The following CDYL variants were observed in gnomAD, a reference collection of about 807,000 sequenced individuals.
The protein encoded by CDYL is chromodomain Y like, also known as chromodomain Y-like protein.
Under a neutral mutation model 47.3 loss-of-function variants are expected in CDYL, and 8 were observed. That is an observed-to-expected ratio of 0.17 (90% CI 0.10 to 0.31). The LOEUF is 0.31. Among genes scored for constraint, CDYL ranks in the 10% least tolerant of loss-of-function variants. CDYL has a pLI of 1.00. For synonymous variants in CDYL, 266 were observed against 265.0 expected, an observed-to-expected ratio of 1.00 and a Z score of -0.04; for missense variants, 471 against 701.4, an observed-to-expected ratio of 0.67 and a Z score of 3.71.
At chr6:4,843,289 G>A (rs939923038) in intron 1 of CDYL, among the ~76,000 whole-genome samples, 4 of 152,058 alleles carry the variant, frequency 2.6e-5, no homozygotes, top group African/African-American at 7.2e-5. Flanking sequence ...TGATGACAGC[G>A]TGCCTAAGTG....
At chr6:4,893,744 C>T (rs1383992379) in intron 2 of CDYL, among the ~76,000 whole-genome samples, 1 of 152,060 alleles carries the variant, frequency 6.6e-6, no homozygotes, top group African/African-American at 2.4e-5. Flanking sequence ...TGTGTCTCCT[C>T]CAACCCAAGC....
At chr6:4,930,480 G>A (rs1263911336) in intron 2 of CDYL, among the ~76,000 whole-genome samples, 1 of 152,208 alleles carries the variant, frequency 6.6e-6, no homozygotes, top group African/African-American at 2.4e-5. Flanking sequence ...CGGTGGAAAG[G>A]CGGGTGGACT....
At chr6:4,901,503 G>C (rs1757053069) in intron 2 of CDYL, among the ~76,000 whole-genome samples, 1 of 152,128 alleles carries the variant, frequency 6.6e-6, no homozygotes. Flanking sequence ...TCTGTCTTAA[G>C]TTCCTCCAAC....
chr6:4,868,969 T>C (rs1761398777), intron 1 of CDYL, among the ~76,000 whole-genome samples: 1 of 152,226 alleles, frequency 6.6e-6, no homozygotes, highest in South Asian at 2.1e-4. Flanking sequence ...TTCTTATGGT[T>C]ATTGTTTTCA....
chr6:4,919,977 G>A (rs1592034), intron 2 of CDYL, among the ~76,000 whole-genome samples: 148,485 of 152,266 alleles, frequency 0.98, 72,495 homozygotes, highest in East Asian at 1. Flanking sequence ...TGAATAAATA[G>A]ACAAAATGTG....
At chr6:4,777,062 A>T (rs1408450204) in intron 1 of CDYL, among the ~76,000 whole-genome samples, 1 of 145,820 alleles carries the variant, frequency 6.9e-6, no homozygotes, top group Non-Finnish European at 1.5e-5. Flanking sequence ...TGGTGCTGAC[A>T]CAAGTGACTT....
upstream of CDYL, chr6:4,776,391 G>A (rs1758448781): frequency 1.4e-5 from 2 of 145,502 alleles, no homozygotes; most frequent in African/African-American, 2.5e-5. Context: ...TCAGTAGCCG[G>A]GGCAGGTTTT....
At chr6:4,783,262 T>A (rs9504251) in intron 1 of CDYL, among the ~76,000 whole-genome samples, 20,619 of 150,838 alleles carry the variant, frequency 0.14, 3,850 homozygotes, top group African/African-American at 0.43. Context: ...TTTTTTTTTT[T>A]AATTATTATT....
intron 3 of CDYL, among the ~76,000 whole-genome samples, chr6:4,758,459 G>A (rs1415596021): frequency 6.6e-5 from 10 of 151,254 alleles, no homozygotes; most frequent in South Asian, 2.1e-4. Flanking sequence ...TCAGGAATTC[G>A]AGACCAGCCT....
intron 2 of CDYL, among the ~76,000 whole-genome samples, chr6:4,898,742 T>G (rs1762358538): frequency 6.6e-6 from 1 of 152,208 alleles, no homozygotes; most frequent in African/African-American, 2.4e-5. Context: ...GAAGATGCTC[T>G]TGTCCAGCTG....
chr6:4,715,459 C>T (rs142317432), intron 1 of CDYL, among the ~76,000 whole-genome samples: 36 of 152,278 alleles, frequency 2.4e-4, no homozygotes, highest in African/African-American at 8.4e-4. Context: ...TATTGTAATA[C>T]GTCATTATAA....
intron 3 of CDYL, among the ~76,000 whole-genome samples, chr6:4,756,957 T>A (rs1411813388): frequency 6.6e-6 from 1 of 152,232 alleles, no homozygotes; most frequent in African/African-American, 2.4e-5. Context: ...CATCCATGTA[T>A]ACTGAAAAGC....
intron 2 of CDYL, among the ~76,000 whole-genome samples, chr6:4,731,974 T>C (rs1164370053): frequency 6.6e-6 from 1 of 152,212 alleles, no homozygotes; most frequent in Non-Finnish European, 1.5e-5. Flanking sequence ...ATATATTCTC[T>C]TGTATGTGTG....
rs1758803660 is a variant in CDYL, at chr6:4,954,296, C to T, written c.*240C>T. ...TCATTATTTTATACTTATATACACG[C>T]AGGTGTAAAAGTATAAAGGTGAGCA... On this transcript the variant is annotated 3_prime_UTR_variant, in exon 7 of 7. Coordinates refer to ENST00000397588, the MANE Select transcript of CDYL (RefSeq NM_004824.4). 2.7e-6 allele frequency: 1 copy of T among 370,982 alleles called. No homozygotes were observed. Among genetic ancestry groups the T allele is most frequent in the African/African-American group, 2.0e-5 (1 of 49,148 alleles). 23.0% of individuals were successfully genotyped at this position (370,982 alleles called of 1,614,324 possible).
At chr6:4,776,068 C>A (rs1302984744), upstream of CDYL, among the ~76,000 whole-genome samples, 1 of 150,464 alleles carries the variant, frequency 6.6e-6, no homozygotes, top group Non-Finnish European at 1.5e-5. Context: ...GGGCCGCAAG[C>A]GCCCACGTCG....
In CDYL at chr6:4,785,895, G is replaced by A. The variant is rs966086351; in HGVS notation, c.24+9088G>A. Among the ~76,000 whole-genome samples, 5 of 152,368 alleles carry A rather than the reference G, an allele frequency of 3.3e-5. 1 individual carries two copies. The Middle Eastern group carries it at 0.01, about 311-fold the overall frequency. On this transcript the variant is annotated intron_variant, in intron 1 of 6. Transcript: ENST00000397588. ...TTCGCTGAAGAGGGTAGCTGGTGAT[G>A]GCACTCCAAGTCTTGAGGTGACAGG...
chr6:4,894,882 T>TATATACACAC (rs1561692322), intron 2 of CDYL, among the ~76,000 whole-genome samples: 4 of 141,926 alleles, frequency 2.8e-5, no homozygotes, highest in African/African-American at 9.2e-5. Context: ...CACATGTGTA[T>TATATACACAC]GTGTGTGTAT....
intron 2 of CDYL, among the ~76,000 whole-genome samples, chr6:4,934,042 T>G (rs758901517): frequency 6.6e-6 from 1 of 152,202 alleles, no homozygotes; most frequent in Non-Finnish European, 1.5e-5. Context: ...ATCTTATATA[T>G]GTACAAGCAA....
chr6:4,771,938 T>C (rs1396456482), upstream of CDYL, among the ~76,000 whole-genome samples: 1 of 152,206 alleles, frequency 6.6e-6, no homozygotes, highest in African/African-American at 2.4e-5. Context: ...TTTTGGTCTT[T>C]TTGCTTTCCA....
Sources: allele counts gnomAD v4.1 joint callset (sites outside exome capture counted in the v4.1 genomes callset), GRCh38; gene constraint gnomAD v4.1.1; transcripts MANE v1.5; gene names NCBI Gene and HGNC (gene_info 2026-07-23, HGNC 2026-07-21).